The following FOXP2 variants were observed in gnomAD, a reference collection of about 807,000 sequenced individuals.
The protein encoded by FOXP2 is forkhead box P2.
In FOXP2, 12 loss-of-function variants were observed where a neutral mutation model predicts 115.8. The observed-to-expected ratio is 0.10, with a 90% CI of 0.07 to 0.17. The LOEUF is 0.17. FOXP2 is among the 10% of genes least tolerant of loss of function. The pLI is 1.00. For synonymous variants in FOXP2, 328 were observed against 297.7 expected, an observed-to-expected ratio of 1.10 and a Z score of -1.05; for missense variants, 629 against 843.5, an observed-to-expected ratio of 0.75 and a Z score of 3.15.
intron 1 of FOXP2, among the ~76,000 whole-genome samples, chr7:114,421,452 C>CTT (rs929058544): frequency 2.6e-5 from 4 of 151,506 alleles, no homozygotes; most frequent in African/African-American, 9.7e-5. Context: ...TGTCCTTCTA[C>CTT]TTTGCATGTT....
chr7:114,125,271 A>T (rs1791678140), intron 1 of FOXP2, among the ~76,000 whole-genome samples: 1 of 152,194 alleles, frequency 6.6e-6, no homozygotes, highest in African/African-American at 2.4e-5. Context: ...TCAGCATCCT[A>T]TTATATAGTC....
chr7:114,501,485 G>C (rs1370320537), intron 2 of FOXP2, among the ~76,000 whole-genome samples: 2 of 152,046 alleles, frequency 1.3e-5, no homozygotes, highest in Non-Finnish European at 2.9e-5. Flanking sequence ...GATAGATGTT[G>C]CATGTCAGAA....
At chr7:114,245,376 GT>G (rs1456027878) in intron 1 of FOXP2, among the ~76,000 whole-genome samples, 1 of 152,164 alleles carries the variant, frequency 6.6e-6, no homozygotes, top group South Asian at 2.1e-4. Context: ...CACTTCAGCA[GT>G]TTTTTTGTGG....
At chr7:114,434,212 A>T (rs927641299) in intron 2 of FOXP2, among the ~76,000 whole-genome samples, 2 of 151,978 alleles carry the variant, frequency 1.3e-5, no homozygotes, top group African/African-American at 2.4e-5. Context: ...CAGGAAATCA[A>T]AATTTAGCTG....
At chr7:114,414,417 A>G (rs1337918837), upstream of FOXP2, 5 of 152,666 alleles carry the variant, frequency 3.3e-5, no homozygotes, top group East Asian at 9.7e-4. Flanking sequence ...GGATTGACAA[A>G]CACCATTAGC....
chr7:114,306,504 A>C (rs1412587741), intron 2 of FOXP2, among the ~76,000 whole-genome samples: 1 of 152,196 alleles, frequency 6.6e-6, no homozygotes, highest in Non-Finnish European at 1.5e-5. Context: ...ACATCAGGTG[A>C]AAACTGCATA....
chr7:114,513,007 G>A (rs1465449909), intron 2 of FOXP2, among the ~76,000 whole-genome samples: 2 of 152,018 alleles, frequency 1.3e-5, no homozygotes, highest in East Asian at 1.9e-4. Flanking sequence ...ACTTGAACCC[G>A]GGAGGCGGAG....
chr7:114,086,528 G>A (rs1239711992), upstream of FOXP2: 1 of 396,568 alleles, frequency 2.5e-6, no homozygotes, highest in African/African-American at 2.2e-5. Flanking sequence ...CCGGACTCGC[G>A]CGTGGGTGTG....
intron 16 of FOXP2, among the ~76,000 whole-genome samples, chr7:114,677,947 A>G (rs1402167534): frequency 6.6e-6 from 1 of 152,236 alleles, no homozygotes; most frequent in African/African-American, 2.4e-5. Context: ...ATCAGTGTCT[A>G]CAGAGGTAAA....
rs1056403147 is a variant in FOXP2 at position 114,319,641 on chromosome 7, C to A, written c.-11+31532C>A. 6.6e-5 allele frequency among the ~76,000 whole-genome samples: 10 copies of A among 152,126 alleles called. 1 individual carries two copies. The highest frequency in any genetic ancestry group is 2.4e-4 in the African/African-American group (10 of 41,416). On this transcript the variant is annotated intron_variant, in intron 2 of 17. Coordinates refer to the FOXP2 transcript ENST00000634411. ...ACAAGAACAACATGGGAAAGACCCA[C>A]CCCCATGAATCAGTCACCTCCCACT...
At chr7:114,616,610 A>C (rs1437650791) in intron 3 of FOXP2, among the ~76,000 whole-genome samples, 2 of 152,130 alleles carry the variant, frequency 1.3e-5, no homozygotes. Context: ...GATTCAATTA[A>C]ATATTTCCTG....
rs1554354799 is a variant in FOXP2, at chr7:114,248,204, G to GAGAGAC, written c.-101-39810_-101-39809insCAGAGA. Among the ~76,000 whole-genome samples the GAGAGAC allele has an allele frequency of 7.9e-5, 12 of 151,790 alleles. No homozygotes were observed. The South Asian group carries it at 1.9e-3, about 24-fold the overall frequency. ...ACAGAGAGAGAGAGAGAGAGAGAGA[G>GAGAGAC]AGAGAGAGACAGAGAGACAGAGAGA... is the stretch of plus-strand genomic sequence containing the variant. On this transcript the variant is annotated intron_variant, in intron 1 of 17. Transcript: ENST00000634411.
chr7:114,502,519 T>A (rs1797613131), intron 2 of FOXP2, among the ~76,000 whole-genome samples: 1 of 152,046 alleles, frequency 6.6e-6, no homozygotes, highest in African/African-American at 2.4e-5. Flanking sequence ...AAGTTCACAG[T>A]TGTAGCGATA....
intron 2 of FOXP2, among the ~76,000 whole-genome samples, chr7:114,470,545 C>A (rs973331670): frequency 5.9e-5 from 9 of 151,760 alleles, no homozygotes; most frequent in African/African-American, 2.2e-4. Flanking sequence ...CATTGTATTC[C>A]CAACATCTGG....
At chr7:114,161,890 C>T (rs1193954787), upstream of FOXP2, among the ~76,000 whole-genome samples, 1 of 152,108 alleles carries the variant, frequency 6.6e-6, no homozygotes, top group East Asian at 1.9e-4. Flanking sequence ...TCATGCAATT[C>T]TTGTGCCTCA....
chr7:114,318,669 T>A (rs1797334807), intron 2 of FOXP2, among the ~76,000 whole-genome samples: 1 of 151,454 alleles, frequency 6.6e-6, no homozygotes, highest in African/African-American at 2.4e-5. Flanking sequence ...TCACCATATT[T>A]TTTCCAATAT....
At chr7:114,629,165 T>C (rs1045306742) in intron 4 of FOXP2, among the ~76,000 whole-genome samples, 8 of 152,208 alleles carry the variant, frequency 5.3e-5, no homozygotes, top group African/African-American at 1.7e-4. Flanking sequence ...TTTATTATAA[T>C]GAAATTAGGC....
chr7:114,280,670 AAC>A lies in FOXP2; in HGVS notation c.-101-7347_-101-7346del, dbSNP rs1796313125. ...TTATTGCCAGTAATATTTTATAAAA[AAC>A]AGATAAAAATTTAAATATACTTAAA... On this transcript the variant is annotated intron_variant, in intron 1 of 17. Coordinates refer to the FOXP2 transcript ENST00000634411. Among the ~76,000 whole-genome samples, 9 of 152,288 alleles carry A rather than the reference AAC, an allele frequency of 5.9e-5. No individual in the cohort carries two copies. The South Asian group carries it at 1.7e-3, about 28-fold the overall frequency.
Position 114,104,303 on chromosome 7 carries a change from A to C in FOXP2, c.-247+16465A>C, listed in dbSNP as rs141863985. ...ACAGGCAAGGCTGTGGTTTTGTTACATTACTTACAGTTACTGTGTGACCTA... is the reference window on the plus strand; with the variant it reads ...ACAGGCAAGGCTGTGGTTTTGTTACCTTACTTACAGTTACTGTGTGACCTA... On this transcript the variant is annotated intron_variant, in intron 1 of 19. Coordinates refer to the FOXP2 transcript ENST00000635638. Among the ~76,000 whole-genome samples the C allele has an allele frequency of 1.4e-3, 218 of 152,060 alleles. 6 individuals are homozygous for C. The South Asian group carries it at 0.03, about 21-fold the overall frequency.
Sources: gnomAD v4.1 joint callset for allele counts (sites outside exome capture counted in the v4.1 genomes callset) on GRCh38, gnomAD v4.1.1 for gene constraint, MANE v1.5 for transcripts, NCBI Gene and HGNC (gene_info 2026-07-23, HGNC 2026-07-21) for gene names.